ALK: variants seen among roughly 807,000 people sequenced by gnomAD.
ALK encodes ALK tyrosine kinase receptor.
In ALK, 74 loss-of-function variants were observed where a neutral mutation model predicts 163.1. The ratio of observed to expected loss-of-function variants is 0.45; its 90% confidence interval spans 0.38 to 0.55. ALK has a LOEUF of 0.55. Ranked by LOEUF, ALK falls within the 20% of genes least tolerant of loss-of-function variation. The pLI, the probability that ALK is intolerant of heterozygous loss-of-function variation, is 0.00. For missense variants in ALK, 2,063 were observed against 2,105.3 expected (o/e 0.98, Z 0.39); for synonymous variants, 960 against 843.2 (o/e 1.14, Z -2.40).
At chr2:29,293,641 GAAGT>G (rs1666099391) in intron 9 of ALK, among the ~76,000 whole-genome samples, 2 of 152,112 alleles carry the variant, frequency 1.3e-5, no homozygotes, top group African/African-American at 4.8e-5. Flanking sequence ...CAAAAGCCTA[GAAGT>G]AAGAATGTAG....
chr2:29,850,354 A>T (rs1665958177), intron 1 of ALK, among the ~76,000 whole-genome samples: 1 of 152,196 alleles, frequency 6.6e-6, no homozygotes. Context: ...CTGTTTCTTG[A>T]TCATGATGTG....
intron 11 of ALK, among the ~76,000 whole-genome samples, chr2:29,265,215 A>C (rs1665190029): frequency 6.6e-6 from 1 of 152,054 alleles, no homozygotes. Flanking sequence ...ACAGGGTTTC[A>C]CCATGTTGGC....
At chr2:29,509,410 G>A (rs1235918531) in intron 4 of ALK, among the ~76,000 whole-genome samples, 1 of 152,130 alleles carries the variant, frequency 6.6e-6, no homozygotes, top group East Asian at 1.9e-4. Context: ...AATTAGATCA[G>A]CGAAAGCTTT....
chr2:29,605,321 C>T (rs1675513439), intron 3 of ALK, among the ~76,000 whole-genome samples: 1 of 152,200 alleles, frequency 6.6e-6, no homozygotes, highest in Admixed American at 6.5e-5. Context: ...CCTCCTGCTG[C>T]TGCGGCCCGA....
intron 4 of ALK, among the ~76,000 whole-genome samples, chr2:29,467,795 C>G (rs1183466361): frequency 2.0e-5 from 3 of 152,172 alleles, no homozygotes; most frequent in African/African-American, 7.2e-5. Context: ...TCAAGTTAGA[C>G]ATTAGAGAGA....
chr2:29,267,028 G>A (rs1382923687), intron 11 of ALK, among the ~76,000 whole-genome samples: 1 of 151,934 alleles, frequency 6.6e-6, no homozygotes, highest in East Asian at 1.9e-4. Context: ...TGGCACAGAT[G>A]GTGAGATGTC....
intron 4 of ALK, among the ~76,000 whole-genome samples, chr2:29,514,442 T>C (rs567580543): frequency 6.6e-6 from 1 of 152,084 alleles, no homozygotes; most frequent in South Asian, 2.1e-4. Context: ...TAGGTGGGAA[T>C]TGAACAATGA....
intron 11 of ALK, among the ~76,000 whole-genome samples, chr2:29,255,813 C>T (rs1664936368): frequency 1.3e-5 from 2 of 152,134 alleles, no homozygotes; most frequent in Non-Finnish European, 2.9e-5. Flanking sequence ...TAAGGGGACT[C>T]TTGTTATTCT....
At chr2:29,228,407 G>T (rs1255324085) in intron 16 of ALK, among the ~76,000 whole-genome samples, 1 of 152,196 alleles carries the variant, frequency 6.6e-6, no homozygotes, top group Admixed American at 6.5e-5. Flanking sequence ...TGAAGGGCTG[G>T]GCTAAGCCTG....
Position 29,578,275 on chromosome 2 carries a change from C to T in ALK, c.953-46159G>A, listed in dbSNP as rs753588147. On this transcript the variant is annotated intron_variant, in intron 3 of 28. Coordinates refer to ENST00000389048, the MANE Select transcript of ALK (RefSeq NM_004304.5). ...CTTGCCTTTCACCATAATTGTGAGG[C>T]CTCCCCAGCCATCTGGAGCTGTAAG... Among the ~76,000 whole-genome samples the T allele has an allele frequency of 7.9e-5, 12 of 152,286 alleles. 1 individual carries two copies. In the South Asian group the frequency reaches 1.9e-3, roughly 24 times the overall value.
chr2:29,463,355 G>A (rs1671131968), intron 4 of ALK, among the ~76,000 whole-genome samples: 1 of 152,116 alleles, frequency 6.6e-6, no homozygotes, highest in Non-Finnish European at 1.5e-5. Context: ...CAGTAGATAT[G>A]GTATGTTTCA....
At chr2:29,657,932 CCA>C in intron 3 of ALK, among the ~76,000 whole-genome samples, 1 of 152,088 alleles carries the variant, frequency 6.6e-6, no homozygotes, top group Admixed American at 6.6e-5. Context: ...TTAATTTTTG[CCA>C]GTCACTTTGG....
chr2:29,237,702 G>A (rs969434946), intron 13 of ALK, among the ~76,000 whole-genome samples: 1 of 151,856 alleles, frequency 6.6e-6, no homozygotes, highest in Non-Finnish European at 1.5e-5. Flanking sequence ...TTGTGGGCTG[G>A]CTCTTCACAA....
chr2:29,314,348 G>A (rs1190558644), intron 8 of ALK, among the ~76,000 whole-genome samples: 1 of 152,020 alleles, frequency 6.6e-6, no homozygotes, highest in Admixed American at 6.5e-5. Context: ...GGGGCCCGCT[G>A]GTCACCTTCT....
intron 1 of ALK, among the ~76,000 whole-genome samples, chr2:29,734,155 T>A (rs771759740): frequency 6.6e-6 from 1 of 152,182 alleles, no homozygotes; most frequent in African/African-American, 2.4e-5. Flanking sequence ...GGACTCAGCC[T>A]CCTTCTAGCC....
intron 3 of ALK, among the ~76,000 whole-genome samples, chr2:29,596,256 C>T (rs1252267532): frequency 6.6e-6 from 1 of 152,194 alleles, no homozygotes; most frequent in Non-Finnish European, 1.5e-5. Flanking sequence ...GCACACTTCT[C>T]CCTATATTCC....
In ALK at chr2:29,239,979, C is replaced by T. The variant is rs1664481310; in HGVS notation, c.2205-149G>A. The T allele has an allele frequency of 4.2e-6, 4 of 960,724 alleles. No individual in the cohort carries two copies. The South Asian group carries it at 6.8e-5, about 16-fold the overall frequency. 59.5% of individuals were successfully genotyped at this position (960,724 alleles called of 1,614,324 possible). A position where few individuals can be genotyped will look rare whatever the true frequency, so the allele number is the denominator to read the frequency against. ...TCAGTCCCTGCAGAAAGGGATTCTT[C>T]TCCCCCACTTCAGGAAAGGACGATC... On this transcript the variant is annotated intron_variant, in intron 12 of 28. Transcript: ENST00000389048.
At chr2:29,815,428 TAA>T (rs936666998) in intron 1 of ALK, among the ~76,000 whole-genome samples, 10 of 152,270 alleles carry the variant, frequency 6.6e-5, no homozygotes, top group Non-Finnish European at 1.3e-4. Context: ...ATGTTTAATA[TAA>T]AGAGTTCTGT....
chr2:29,490,387 A>G (rs983311846), intron 4 of ALK, among the ~76,000 whole-genome samples: 6 of 152,230 alleles, frequency 3.9e-5, no homozygotes, highest in Admixed American at 2.6e-4. Context: ...ATGTTGGGGA[A>G]AAAGGAGTTT....
Sources: gnomAD v4.1 joint callset for allele counts (sites outside exome capture counted in the v4.1 genomes callset) on GRCh38, gnomAD v4.1.1 for gene constraint, MANE v1.5 for transcripts, NCBI Gene and HGNC (gene_info 2026-07-23, HGNC 2026-07-21) for gene names.